RBFOX3: variants seen among roughly 807,000 people sequenced by gnomAD.
The protein encoded by RBFOX3 is RNA binding fox-1 homolog 3.
A neutral mutation model predicts 48.7 loss-of-function variants in RBFOX3; 17 were observed. The ratio of observed to expected loss-of-function variants is 0.35; its 90% CI spans 0.24 to 0.52. The LOEUF (loss-of-function observed/expected upper bound fraction) is 0.52. Ranked by LOEUF, RBFOX3 falls within the 20% of genes least tolerant of loss-of-function variation. The pLI is 0.94. For synonymous variants in RBFOX3, 212 were observed against 209.5 expected, an observed-to-expected ratio of 1.01 and a Z score of -0.10; for missense variants, 382 against 497.5, an observed-to-expected ratio of 0.77 and a Z score of 2.21.
chr17:79,380,809 C>A (rs2059814379), intron 2 of RBFOX3, among the ~76,000 whole-genome samples: 1 of 152,150 alleles, frequency 6.6e-6, no homozygotes, highest in African/African-American at 2.4e-5. Context: ...CCAGCCTCCA[C>A]CACACTTTCT....
intron 2 of RBFOX3, among the ~76,000 whole-genome samples, chr17:79,369,379 C>T (rs1259998489): frequency 6.7e-6 from 1 of 150,084 alleles, no homozygotes; most frequent in Non-Finnish European, 1.5e-5. Flanking sequence ...TGGACCCTGA[C>T]CGTGACCCTT....
intron 14 of RBFOX3, among the ~76,000 whole-genome samples, chr17:79,093,791 C>CCACACACACACACACACACACACA (rs60453390): frequency 7.0e-6 from 1 of 143,822 alleles, no homozygotes; most frequent in Non-Finnish European, 1.5e-5. Context: ...CAACAGCTGG[C>CCACACACACACACACACACACACA]CACACACACA....
chr17:79,595,338 G>A (rs1319013212), intron 1 of RBFOX3, among the ~76,000 whole-genome samples: 1 of 152,210 alleles, frequency 6.6e-6, no homozygotes, highest in African/African-American at 2.4e-5. Context: ...CGAAGAACAT[G>A]CTCAGTCAGC....
chr17:79,500,864 C>T (rs1206450254), intron 1 of RBFOX3, among the ~76,000 whole-genome samples: 3 of 152,166 alleles, frequency 2.0e-5, no homozygotes, highest in Non-Finnish European at 4.4e-5. Flanking sequence ...TGCAGACACC[C>T]GTGCTAGGGA....
rs1252679889 is a variant in RBFOX3, at chr17:79,481,653, G to C, written c.-175+801C>G. Among the ~76,000 whole-genome samples, 1 of 152,182 alleles carries C rather than the reference G, an allele frequency of 6.6e-6. No individual in the cohort carries two copies. The highest frequency in any genetic ancestry group is 1.5e-5 in the Non-Finnish European group (1 of 68,018). On this transcript the variant is annotated intron_variant, in intron 2 of 14. Transcript: ENST00000693108. This position sits in a 1 kb window ranked among gnomAD's most constrained non-coding sequence, Gnocchi z 5.4. The stretch of plus-strand genomic sequence containing the variant: ...ACGTGGCTCGGGGAGCTTGCGGTTG[G>C]TGAACTTGTGGGTGAACCAGCAGGG...
chr17:79,452,343 G>A (rs1385301481), intron 2 of RBFOX3, among the ~76,000 whole-genome samples: 1 of 152,214 alleles, frequency 6.6e-6, no homozygotes, highest in Non-Finnish European at 1.5e-5. Context: ...AGCAGTCATG[G>A]TGGAAGGGAA....
At chr17:79,342,500 T>C (rs2082260210) in intron 2 of RBFOX3, among the ~76,000 whole-genome samples, 1 of 152,206 alleles carries the variant, frequency 6.6e-6, no homozygotes, top group African/African-American at 2.4e-5. Flanking sequence ...CTCCAGAACC[T>C]AAGTCCTGGG....
chr17:79,191,200 C>T (rs908147901), intron 4 of RBFOX3, among the ~76,000 whole-genome samples: 2 of 152,308 alleles, frequency 1.3e-5, no homozygotes, highest in East Asian at 3.9e-4. Flanking sequence ...AAACCAATAT[C>T]CCTTCCTCCA....
chr17:79,332,917 G>A (rs192738781), intron 2 of RBFOX3, among the ~76,000 whole-genome samples: 50 of 86,406 alleles, frequency 5.8e-4, no homozygotes, highest in African/African-American at 2.1e-3. Flanking sequence ...GAGAGACAGA[G>A]GCAGAAAGAC....
intron 4 of RBFOX3, among the ~76,000 whole-genome samples, chr17:79,147,769 C>T (rs886626077): frequency 1.3e-5 from 2 of 152,250 alleles, no homozygotes; most frequent in African/African-American, 4.8e-5. Context: ...GTGCCCAGTA[C>T]CTGGCCAGGG....
intron 1 of RBFOX3, among the ~76,000 whole-genome samples, chr17:79,533,545 T>G (rs1555787978): frequency 6.6e-6 from 1 of 152,222 alleles, no homozygotes; most frequent in Non-Finnish European, 1.5e-5. Flanking sequence ...TTTCCATTAC[T>G]TCAACCCTCA....
intron 3 of RBFOX3, among the ~76,000 whole-genome samples, chr17:79,266,083 C>T (rs772514527): frequency 2.6e-5 from 4 of 152,248 alleles, no homozygotes; most frequent in African/African-American, 7.2e-5. Context: ...CCAGCCTTCC[C>T]GCCCCTCTCA....
chr17:79,103,977 C>T lies in RBFOX3; in HGVS notation c.414+96G>A, dbSNP rs1599434253. On this transcript the variant is annotated intron_variant, in intron 7 of 14. Coordinates refer to ENST00000693108, the MANE Select transcript of RBFOX3 (RefSeq NM_001350451.2). The surrounding 1 kb of genome is among the most constrained non-coding windows in gnomAD (Gnocchi z 6.1). ...CCCGTGTCGCTCAGGGGTCCTCGGGCGCGAAGCTCTCCAGGAAGGAAACGC... is the reference window on the plus strand; with the variant it reads ...CCCGTGTCGCTCAGGGGTCCTCGGGTGCGAAGCTCTCCAGGAAGGAAACGC... The T allele has an allele frequency of 1.9e-5, 20 of 1,071,450 alleles. No homozygotes were observed. The East Asian group carries it at 3.6e-4, about 19-fold the overall frequency. 66.4% of individuals were successfully genotyped at this position (1,071,450 alleles called of 1,614,324 possible).
chr17:79,409,297 C>G (rs1434611601), intron 2 of RBFOX3, among the ~76,000 whole-genome samples: 1 of 152,208 alleles, frequency 6.6e-6, no homozygotes, highest in Non-Finnish European at 1.5e-5. Context: ...GCAAACGGTG[C>G]TCCTACAAAC....
chr17:79,284,229 C>T (rs751037298), intron 3 of RBFOX3, among the ~76,000 whole-genome samples: 1 of 152,220 alleles, frequency 6.6e-6, no homozygotes, highest in Non-Finnish European at 1.5e-5. Flanking sequence ...AGCATCGGCA[C>T]GAGTGGACAG....
rs552076686 is a variant in RBFOX3, at chr17:79,128,670, G to A, written c.-33-12922C>T. Among the ~76,000 whole-genome samples the A allele has an allele frequency of 7.2e-5, 11 of 152,316 alleles. No homozygotes were observed. In the East Asian group the frequency reaches 9.7e-4, roughly 13 times the overall value. On this transcript the variant is annotated intron_variant, in intron 4 of 14. Coordinates refer to ENST00000693108, the MANE Select transcript of RBFOX3 (RefSeq NM_001350451.2). ...ATGGAACACCCCCAAAAGCCAGGTC[G>A]TAGCCAGCAAGGTGAGAAGCCTGGG...
chr17:79,591,658 G>A (rs35042491), intron 1 of RBFOX3, among the ~76,000 whole-genome samples: 27,714 of 152,128 alleles, frequency 0.18, 3,012 homozygotes, highest in Middle Eastern at 0.29. Flanking sequence ...TTGGGTCACC[G>A]CCTTTGCTTG....
At chr17:79,374,770 G>C (rs544053669) in intron 2 of RBFOX3, among the ~76,000 whole-genome samples, 5 of 152,340 alleles carry the variant, frequency 3.3e-5, no homozygotes, top group African/African-American at 1.2e-4. Flanking sequence ...TTAGCAAAAG[G>C]GTTATTTTCT....
At chr17:79,285,746 C>T (rs896017843) in intron 3 of RBFOX3, among the ~76,000 whole-genome samples, 15 of 152,104 alleles carry the variant, frequency 9.9e-5, no homozygotes, top group African/African-American at 3.6e-4. Flanking sequence ...TGCAATGGTG[C>T]GATCTCAGCT....
Sources: gnomAD v4.1 joint callset for allele counts (sites outside exome capture counted in the v4.1 genomes callset) on GRCh38, gnomAD v4.1.1 for gene constraint, Gnocchi (gnomAD v3.1) non-coding constraint, MANE v1.5 for transcripts, NCBI Gene and HGNC (gene_info 2026-07-23, HGNC 2026-07-21) for gene names.